Variants in REEP3 observed in about 807,000 individuals in gnomAD.
REEP3 encodes receptor accessory protein 3.
Under a neutral mutation model 41.3 loss-of-function variants are expected in REEP3, and 20 were observed. The observed-to-expected ratio is 0.48, with a 90% CI of 0.34 to 0.70. The LOEUF (loss-of-function observed/expected upper bound fraction) is 0.70. REEP3 is among the 30% of genes least tolerant of loss of function. The pLI, the probability that REEP3 is intolerant of heterozygous loss-of-function variation, is 0.01. For missense variants in REEP3, 271 were observed against 308.8 expected, an observed-to-expected ratio of 0.88 and a Z score of 0.92; for synonymous variants, 104 against 101.8, an observed-to-expected ratio of 1.02 and a Z score of -0.13.
chr10:63,536,821 A>T (rs1257357532), intron 1 of REEP3, among the ~76,000 whole-genome samples: 1 of 152,242 alleles, frequency 6.6e-6, no homozygotes, highest in African/African-American at 2.4e-5. Context: ...TTTCACACTT[A>T]CTAGATTGCA....
intron 2 of REEP3, among the ~76,000 whole-genome samples, chr10:63,593,042 G>A (rs1325348389): frequency 2.0e-5 from 3 of 152,132 alleles, no homozygotes; most frequent in African/African-American, 4.8e-5. Context: ...GGCCGGGCGC[G>A]GTGGCTCACG....
At chr10:63,620,570 A>T (rs1956345967) in intron 7 of REEP3, among the ~76,000 whole-genome samples, 1 of 152,218 alleles carries the variant, frequency 6.6e-6, no homozygotes, top group Non-Finnish European at 1.5e-5. Flanking sequence ...GTACTAAGCA[A>T]AACATAAATA....
At chr10:63,597,741 C>T (rs990544855) in intron 3 of REEP3, among the ~76,000 whole-genome samples, 10 of 151,928 alleles carry the variant, frequency 6.6e-5, no homozygotes, top group Non-Finnish European at 8.8e-5. Flanking sequence ...GGTGAAACCC[C>T]GCCTCTACTA....
At chr10:63,562,293 G>C (rs1184179556) in intron 1 of REEP3, among the ~76,000 whole-genome samples, 1 of 146,682 alleles carries the variant, frequency 6.8e-6, no homozygotes, top group Non-Finnish European at 1.5e-5. Context: ...GTCTTACTCT[G>C]TCGCCCAGGC....
At chr10:63,608,615 TAGA>T (rs1282986955) in intron 5 of REEP3, among the ~76,000 whole-genome samples, 1 of 152,224 alleles carries the variant, frequency 6.6e-6, no homozygotes, top group Admixed American at 6.5e-5. Flanking sequence ...AAAAACCCCT[TAGA>T]AGAATATTTT....
chr10:63,614,433 A>C (rs921647832), intron 6 of REEP3, among the ~76,000 whole-genome samples: 1 of 152,162 alleles, frequency 6.6e-6, no homozygotes, highest in Non-Finnish European at 1.5e-5. Context: ...GCTGGGCTAG[A>C]GTCATAATCT....
chr10:63,620,513 G>A (rs577416497), intron 7 of REEP3, among the ~76,000 whole-genome samples: 1 of 152,212 alleles, frequency 6.6e-6, no homozygotes, highest in South Asian at 2.1e-4. Context: ...AAGCAGTGGA[G>A]GACTGTGAAT....
intron 1 of REEP3, among the ~76,000 whole-genome samples, chr10:63,561,887 T>C (rs911760461): frequency 1.3e-5 from 2 of 152,220 alleles, no homozygotes; most frequent in Non-Finnish European, 2.9e-5. Context: ...AATCTGATGA[T>C]ACTAGATTGT....
chr10:63,609,958 C>A (rs1225353132), intron 5 of REEP3, among the ~76,000 whole-genome samples: 5 of 152,006 alleles, frequency 3.3e-5, no homozygotes, highest in African/African-American at 1.2e-4. Context: ...TTGAAATATA[C>A]TGATGTCTCC....
At chr10:63,531,527 C>G (rs765142927) in intron 1 of REEP3, among the ~76,000 whole-genome samples, 1 of 152,182 alleles carries the variant, frequency 6.6e-6, no homozygotes, top group Non-Finnish European at 1.5e-5. Flanking sequence ...AGGCTAAAAA[C>G]TGTGCTATCT....
chr10:63,530,966 A>T (rs1955415986), intron 1 of REEP3, among the ~76,000 whole-genome samples: 1 of 152,222 alleles, frequency 6.6e-6, no homozygotes, highest in Non-Finnish European at 1.5e-5. Context: ...AAAGATAAAA[A>T]TTTTTGTTAT....
chr10:63,604,245 C>G (rs116321676), intron 5 of REEP3, among the ~76,000 whole-genome samples: 1 of 152,296 alleles, frequency 6.6e-6, no homozygotes, highest in Admixed American at 6.5e-5. Flanking sequence ...CATCTGTTCG[C>G]AAGGTCACTG....
intron 1 of REEP3, among the ~76,000 whole-genome samples, chr10:63,547,598 A>G (rs1393275715): frequency 6.6e-6 from 1 of 152,182 alleles, no homozygotes; most frequent in Non-Finnish European, 1.5e-5. Flanking sequence ...GGAAAAAACT[A>G]GAGATTCCTG....
intron 1 of REEP3, among the ~76,000 whole-genome samples, chr10:63,541,813 G>C (rs1268162450): frequency 6.6e-6 from 1 of 152,096 alleles, no homozygotes; most frequent in Non-Finnish European, 1.5e-5. Flanking sequence ...CATTTAAAGT[G>C]GCCCTGCCCG....
chr10:63,558,158 A>G (rs1955707036), intron 1 of REEP3, among the ~76,000 whole-genome samples: 1 of 152,248 alleles, frequency 6.6e-6, no homozygotes, highest in African/African-American at 2.4e-5. Flanking sequence ...GTAATAATTT[A>G]GGAATATAAC....
rs1956383467 is a variant in REEP3 at position 63,624,722 on chromosome 10, T to C, written c.*3853T>C. 1 of 152,112 alleles carries C rather than the reference T, an allele frequency of 6.6e-6. No homozygotes were observed. The highest frequency in any genetic ancestry group is 2.4e-5 in the African/African-American group (1 of 41,452). 9.4% of individuals were successfully genotyped at this position (152,112 alleles called of 1,614,324 possible). A position where few individuals can be genotyped will look rare whatever the true frequency, so the allele number is the denominator to read the frequency against. On this transcript the variant is annotated 3_prime_UTR_variant, in exon 8 of 8. Coordinates refer to ENST00000373758, the MANE Select transcript of REEP3 (RefSeq NM_001001330.3). ...TATGAAAATCATAAACATTCTGGTA[T>C]GGTCATCCATAGGATTATGAAAAAG...
At chr10:63,579,223 G>A (rs1159937927) in intron 2 of REEP3, among the ~76,000 whole-genome samples, 1 of 152,006 alleles carries the variant, frequency 6.6e-6, no homozygotes, top group Non-Finnish European at 1.5e-5. Context: ...TAGAGATGGG[G>A]TTTCACCATG....
chr10:63,572,754 TG>T (rs1351236581), intron 2 of REEP3, among the ~76,000 whole-genome samples: 1 of 152,232 alleles, frequency 6.6e-6, no homozygotes, highest in Admixed American at 6.5e-5. Flanking sequence ...ATAAGCTCCA[TG>T]GGGAATGTTT....
chr10:63,545,151 A>T (rs1252932937), intron 1 of REEP3, among the ~76,000 whole-genome samples: 1 of 152,242 alleles, frequency 6.6e-6, no homozygotes, highest in East Asian at 1.9e-4. Context: ...GATTATGGGT[A>T]CTTGTTTCTT....
Sources: gnomAD v4.1 joint callset for allele counts (sites outside exome capture counted in the v4.1 genomes callset) on GRCh38, gnomAD v4.1.1 for gene constraint, MANE v1.5 for transcripts, NCBI Gene and HGNC (gene_info 2026-07-23, HGNC 2026-07-21) for gene names.